The following GRM8 variants were observed in gnomAD, a reference collection of about 807,000 sequenced individuals.
The protein encoded by GRM8 is glutamate metabotropic receptor 8, also known as metabotropic glutamate receptor 8.
In GRM8, 47 loss-of-function variants were observed where a neutral mutation model predicts 87.2. The ratio of observed to expected loss-of-function variants is 0.54; its 90% CI spans 0.43 to 0.69. The LOEUF is 0.69. Ranked by LOEUF, GRM8 falls within the 30% of genes least tolerant of loss-of-function variation. The pLI, the probability that GRM8 is intolerant of heterozygous loss-of-function variation, is 0.00. For missense variants in GRM8, 1,019 were observed against 1,139.2 expected, an observed-to-expected ratio of 0.89 and a Z score of 1.52; for synonymous variants, 396 against 404.5, an observed-to-expected ratio of 0.98 and a Z score of 0.25.
intron 6 of GRM8, among the ~76,000 whole-genome samples, chr7:126,788,279 G>A (rs1820844228): frequency 6.6e-6 from 1 of 151,238 alleles, no homozygotes; most frequent in Admixed American, 6.6e-5. Context: ...GCCTGGTGGT[G>A]GGCACCTGTA....
chr7:126,955,476 T>C (rs1375476186), intron 3 of GRM8, among the ~76,000 whole-genome samples: 1 of 151,706 alleles, frequency 6.6e-6, no homozygotes, highest in Non-Finnish European at 1.5e-5. Context: ...AATAAATAAA[T>C]AAAAGGGACT....
chr7:127,190,341 C>T (rs1336702118), intron 2 of GRM8, among the ~76,000 whole-genome samples: 1 of 152,022 alleles, frequency 6.6e-6, no homozygotes, highest in African/African-American at 2.4e-5. Flanking sequence ...CTTTGGAGTT[C>T]GAGACCAGCC....
chr7:126,727,884 T>C (rs967688688), intron 7 of GRM8, among the ~76,000 whole-genome samples: 2 of 152,178 alleles, frequency 1.3e-5, no homozygotes, highest in Admixed American at 6.6e-5. Context: ...CTGGGATGTG[T>C]ATAGCAAGTA....
At chr7:126,886,246 A>G (rs61669096) in intron 6 of GRM8, among the ~76,000 whole-genome samples, 4,403 of 152,268 alleles carry the variant, frequency 0.029, 213 homozygotes, top group African/African-American at 0.099. Flanking sequence ...GAATCCATTA[A>G]GTACACAACT....
intron 7 of GRM8, among the ~76,000 whole-genome samples, chr7:126,766,135 C>G (rs1818169330): frequency 6.6e-6 from 1 of 152,108 alleles, no homozygotes; most frequent in Admixed American, 6.6e-5. Flanking sequence ...GGAAGAAGCA[C>G]AATCTTTTAC....
At chr7:126,588,883 G>A (rs1796411585) in intron 8 of GRM8, among the ~76,000 whole-genome samples, 1 of 152,122 alleles carries the variant, frequency 6.6e-6, no homozygotes, top group African/African-American at 2.4e-5. Context: ...ATGGGAGAAG[G>A]ATTTGACCCT....
intron 3 of GRM8, among the ~76,000 whole-genome samples, chr7:126,936,118 T>C (rs1242063870): frequency 6.6e-6 from 1 of 152,178 alleles, no homozygotes; most frequent in African/African-American, 2.4e-5. Context: ...TATAACCACC[T>C]TTCCAGACAC....
chr7:126,911,400 G>C (rs1322597200), intron 3 of GRM8, among the ~76,000 whole-genome samples: 1 of 151,282 alleles, frequency 6.6e-6, no homozygotes, highest in African/African-American at 2.4e-5. Context: ...GTAAAGATTT[G>C]GCTCCAATAT....
At position 127,126,711 on chromosome 7, in the gene GRM8, A is replaced by C. The variant is rs1211889671; in HGVS notation, c.511-19999T>G. On this transcript the variant is annotated intron_variant, in intron 2 of 10. Transcript: ENST00000339582. ...AAAGATGTTTAGAAAAGACACAAAAAGCACAGTTCATAAAGTAAATTAACA... is the reference window on the plus strand; with the variant it reads ...AAAGATGTTTAGAAAAGACACAAAACGCACAGTTCATAAAGTAAATTAACA... 2.6e-5 allele frequency among the ~76,000 whole-genome samples: 4 copies of C among 152,128 alleles called. No homozygotes were observed. In the East Asian group the frequency reaches 7.7e-4, roughly 29 times the overall value.
chr7:126,859,726 C>T (rs1298557546), intron 6 of GRM8, among the ~76,000 whole-genome samples: 2 of 152,156 alleles, frequency 1.3e-5, no homozygotes, highest in African/African-American at 4.8e-5. Context: ...AGAAACCTAT[C>T]CATTATGCAT....
At chr7:126,727,708 C>T (rs1253644657) in intron 7 of GRM8, among the ~76,000 whole-genome samples, 1 of 105,194 alleles carries the variant, frequency 9.5e-6, no homozygotes, top group Non-Finnish European at 2.2e-5. Flanking sequence ...AAATCATACA[C>T]ACACACACAC....
At chr7:127,019,620 T>A (rs564435076) in intron 3 of GRM8, among the ~76,000 whole-genome samples, 1 of 152,186 alleles carries the variant, frequency 6.6e-6, no homozygotes, top group Admixed American at 6.5e-5. Context: ...CTGGCCAGCT[T>A]GAACAAGTAT....
rs10248087 is a variant in GRM8 at position 126,703,127 on chromosome 7, A to C, written c.1357+66738T>G. 1.2e-3 allele frequency among the ~76,000 whole-genome samples: 185 copies of C among 152,312 alleles called. 3 individuals are homozygous for C. In the East Asian group the frequency reaches 0.026, roughly 21 times the overall value. The stretch of plus-strand genomic sequence containing the variant: ...GGGAATTCATTGAGGAGTTTCAATC[A>C]GGCATGATCTAGTTTTAAGAATATT... On this transcript the variant is annotated intron_variant, in intron 7 of 10. Transcript: ENST00000339582.
intron 9 of GRM8, among the ~76,000 whole-genome samples, chr7:126,450,465 G>A (rs555085489): frequency 3.2e-4 from 49 of 151,932 alleles, no homozygotes; most frequent in African/African-American, 1.2e-3. Context: ...CGTTTGACCA[G>A]CTAGAAAGCT....
At chr7:127,126,876 C>G (rs1393777653) in intron 2 of GRM8, among the ~76,000 whole-genome samples, 5 of 151,862 alleles carry the variant, frequency 3.3e-5, no homozygotes, top group African/African-American at 1.2e-4. Context: ...AGAACTCTTA[C>G]AACTCATAAC....
intron 6 of GRM8, among the ~76,000 whole-genome samples, chr7:126,865,639 T>C (rs1189823075): frequency 3.9e-5 from 6 of 152,240 alleles, no homozygotes; most frequent in Admixed American, 3.3e-4. Flanking sequence ...TTCCTCTTTA[T>C]AGATGCACCC....
At chr7:126,526,266 G>A (rs1038911297) in intron 9 of GRM8, among the ~76,000 whole-genome samples, 2 of 152,132 alleles carry the variant, frequency 1.3e-5, no homozygotes, top group African/African-American at 4.8e-5. Context: ...AAAAGATTAG[G>A]TTTGTGTATA....
intron 9 of GRM8, among the ~76,000 whole-genome samples, chr7:126,450,620 A>T (rs1340297310): frequency 6.8e-6 from 1 of 147,622 alleles, no homozygotes; most frequent in Non-Finnish European, 1.5e-5. Flanking sequence ...TTACTACTAG[A>T]AGTGATTTTT....
chr7:126,863,910 T>C (rs1213272599), intron 6 of GRM8, among the ~76,000 whole-genome samples: 1 of 151,774 alleles, frequency 6.6e-6, no homozygotes, highest in East Asian at 1.9e-4. Flanking sequence ...ATTAATTTAC[T>C]ATACCACTGT....
Sources: allele counts gnomAD v4.1 joint callset (sites outside exome capture counted in the v4.1 genomes callset), GRCh38; gene constraint gnomAD v4.1.1; transcripts MANE v1.5; gene names NCBI Gene and HGNC (gene_info 2026-07-23, HGNC 2026-07-21).